BTRC: variants seen among roughly 807,000 people sequenced by gnomAD.
BTRC encodes the protein F-box/WD repeat-containing protein 1A.
Under a neutral mutation model 85.5 loss-of-function variants are expected in BTRC, and 42 were observed. The observed-to-expected ratio is 0.49, with a 90% CI of 0.38 to 0.64. The LOEUF is 0.64. BTRC is among the 30% of genes least tolerant of loss of function. BTRC has a pLI of 0.00. For synonymous variants in BTRC, 255 were observed against 263.3 expected (o/e 0.97, Z 0.30); for missense variants, 594 against 743.5 (o/e 0.80, Z 2.34).
At chr10:101,373,792 C>T (rs1347933251) in intron 1 of BTRC, among the ~76,000 whole-genome samples, 1 of 151,962 alleles carries the variant, frequency 6.6e-6, no homozygotes, top group Non-Finnish European at 1.5e-5. Context: ...GTGGTGGGCG[C>T]CTGTAGTCCC....
intron 4 of BTRC, among the ~76,000 whole-genome samples, chr10:101,500,454 C>A (rs1019538211): frequency 1.3e-5 from 2 of 152,100 alleles, no homozygotes; most frequent in Non-Finnish European, 2.9e-5. Flanking sequence ...TAATGGAGAC[C>A]AGTTGGTGTA....
intron 1 of BTRC, among the ~76,000 whole-genome samples, chr10:101,419,390 C>G (rs1345850971): frequency 6.6e-6 from 1 of 152,116 alleles, no homozygotes; most frequent in Non-Finnish European, 1.5e-5. Context: ...TCTCACAAGG[C>G]CATAATCAAG....
chr10:101,361,160 G>A (rs1414747728), intron 1 of BTRC, among the ~76,000 whole-genome samples: 3 of 151,886 alleles, frequency 2.0e-5, no homozygotes, highest in Non-Finnish European at 4.4e-5. Flanking sequence ...AAGCTGGAGT[G>A]CAGTGGTGCG....
intron 5 of BTRC, among the ~76,000 whole-genome samples, chr10:101,522,352 T>TTAAAAAA (rs2062121305): frequency 4.8e-5 from 2 of 42,060 alleles, no homozygotes; most frequent in Non-Finnish European, 1.0e-4. Context: ...TATAAAGCTT[T>TTAAAAAA]AAAAAAAAAA....
rs181772848 is a variant in BTRC, at chr10:101,541,705, T to C, written c.1656+3334T>C. On this transcript the variant is annotated intron_variant, in intron 13 of 14. Transcript: ENST00000370187. ...TTGAGATAATCATATGGTTTTTCAC[T>C]TTTATTCTGTTAATTGGTATATTAC... Among the ~76,000 whole-genome samples, 4 of 152,348 alleles carry C rather than the reference T, an allele frequency of 2.6e-5. No individual in the cohort carries two copies. The East Asian group carries it at 7.7e-4, about 29-fold the overall frequency.
At position 101,533,130 on chromosome 10, in the gene BTRC, C is replaced by T; in HGVS notation, c.1097+60C>T. The stretch of plus-strand genomic sequence containing the variant: ...ATATCAGCTCTGCTCTGTTCTTTGT[C>T]ATAGATAGTAATTTTGTATATATCG... On this transcript the variant is annotated intron_variant, in intron 9 of 14. Transcript: ENST00000370187. 5 of 1,243,668 alleles carry T rather than the reference C, an allele frequency of 4.0e-6. 1 individual carries two copies. The highest frequency in any genetic ancestry group is 3.8e-5 in the South Asian group (3 of 78,976). 77.0% of individuals were successfully genotyped at this position (1,243,668 alleles called of 1,614,324 possible).
At chr10:101,430,026 A>G (rs1468977907) in intron 1 of BTRC, among the ~76,000 whole-genome samples, 4 of 152,166 alleles carry the variant, frequency 2.6e-5, no homozygotes, top group Non-Finnish European at 1.5e-5. Flanking sequence ...CATAGAGGAA[A>G]ATAATTGATC....
At chr10:101,469,958 G>A (rs570202266) in intron 3 of BTRC, among the ~76,000 whole-genome samples, 104 of 152,152 alleles carry the variant, frequency 6.8e-4, no homozygotes, top group Non-Finnish European at 1.3e-3. Context: ...TAAATATATC[G>A]CAGTTTGTTT....
chr10:101,356,089 G>A (rs1019740104), intron 1 of BTRC, among the ~76,000 whole-genome samples: 6 of 151,998 alleles, frequency 3.9e-5, no homozygotes, highest in Admixed American at 1.3e-4. Flanking sequence ...TGCAGCCTCC[G>A]CCTCCTGGGT....
At chr10:101,425,669 G>A (rs893013967) in intron 1 of BTRC, among the ~76,000 whole-genome samples, 15 of 150,962 alleles carry the variant, frequency 9.9e-5, no homozygotes, top group African/African-American at 3.4e-4. Context: ...TTTTAGCCAG[G>A]CGTGGTGGTG....
intron 1 of BTRC, among the ~76,000 whole-genome samples, chr10:101,412,401 T>C (rs1943805686): frequency 6.6e-6 from 1 of 152,210 alleles, no homozygotes; most frequent in Non-Finnish European, 1.5e-5. Flanking sequence ...CTTATTTGTT[T>C]CCCGTCATTC....
intron 1 of BTRC, among the ~76,000 whole-genome samples, chr10:101,389,505 T>C (rs1943182129): frequency 6.6e-6 from 1 of 152,180 alleles, no homozygotes; most frequent in Non-Finnish European, 1.5e-5. Flanking sequence ...CTTTGTTGTT[T>C]TGCCTGGCAG....
rs370353886 is a variant in BTRC at position 101,383,057 on chromosome 10, A to ATTTT, written c.48+28848_48+28851dup. Among the ~76,000 whole-genome samples, 109 of 116,478 alleles carry ATTTT rather than the reference A, an allele frequency of 9.4e-4. 2 individuals are homozygous for ATTTT. Among genetic ancestry groups the ATTTT allele is most frequent in the African/African-American group, 1.5e-3 (43 of 27,930 alleles). The allele number at this position is 116,478 out of a possible 152,430, so 76.4% of individuals were successfully genotyped here. On this transcript the variant is annotated intron_variant, in intron 1 of 14. Coordinates refer to ENST00000370187, the MANE Select transcript of BTRC (RefSeq NM_033637.4). The stretch of plus-strand genomic sequence containing the variant: ...AGGACTTGTTGGGCCTTCCCTGGAG[A>ATTTT]TTTTTTTTTTTTTTTTTTTTTTCTG...
chr10:101,483,454 G>A lies in BTRC; in HGVS notation c.324+3997G>A, dbSNP rs958488886. Among the ~76,000 whole-genome samples the A allele has an allele frequency of 9.7e-4, 147 of 152,240 alleles. 1 individual carries two copies. Among genetic ancestry groups the A allele is most frequent in the African/African-American group, 3.4e-3 (141 of 41,542 alleles). The stretch of plus-strand genomic sequence containing the variant: ...CTAAAAGTATAAAAATTAGCTGGGC[G>A]TGGTGGCACATGCCTATAATCCCAG... On this transcript the variant is annotated intron_variant, in intron 4 of 14. Transcript: ENST00000370187.
intron 4 of BTRC, among the ~76,000 whole-genome samples, chr10:101,506,617 C>A (rs1946547903): frequency 1.3e-5 from 2 of 152,116 alleles, no homozygotes; most frequent in Admixed American, 1.3e-4. Flanking sequence ...AAGATGCCAA[C>A]TCTGCCATAG....
intron 2 of BTRC, among the ~76,000 whole-genome samples, chr10:101,449,332 A>G (rs1944903343): frequency 6.6e-6 from 1 of 152,102 alleles, no homozygotes; most frequent in Admixed American, 6.5e-5. Flanking sequence ...TTCATCAGAG[A>G]GAAAGAATTT....
intron 1 of BTRC, among the ~76,000 whole-genome samples, chr10:101,427,616 A>G (rs1944294639): frequency 6.6e-6 from 1 of 151,090 alleles, no homozygotes; most frequent in African/African-American, 2.4e-5. Context: ...CTGCCCTGAT[A>G]TCCCTGGCTC....
chr10:101,536,978 A>T (rs539033277), intron 12 of BTRC, among the ~76,000 whole-genome samples: 1 of 152,228 alleles, frequency 6.6e-6, no homozygotes, highest in Non-Finnish European at 1.5e-5. Flanking sequence ...TAAAAGGGTA[A>T]CCTGTTAACA....
chr10:101,396,932 A>G (rs962613409), intron 1 of BTRC, among the ~76,000 whole-genome samples: 2 of 151,754 alleles, frequency 1.3e-5, no homozygotes, highest in African/African-American at 4.8e-5. Context: ...CCTCCAAAGT[A>G]ACTGGGATTA....
Sources: allele counts gnomAD v4.1 joint callset (sites outside exome capture counted in the v4.1 genomes callset), GRCh38; gene constraint gnomAD v4.1.1; transcripts MANE v1.5; gene names NCBI Gene and HGNC (gene_info 2026-07-23, HGNC 2026-07-21).